Variants in EPHX4 observed in about 807,000 individuals in gnomAD.
EPHX4 encodes abhydrolase domain containing 7.
A neutral mutation model predicts 44.9 loss-of-function variants in EPHX4; 31 were observed. That is an observed-to-expected ratio of 0.69 (90% CI 0.52 to 0.93). The LOEUF (loss-of-function observed/expected upper bound fraction) is 0.93. EPHX4 is among the 40% of genes least tolerant of loss of function. The pLI is 0.00. For missense variants in EPHX4, 373 were observed against 438.1 expected (o/e 0.85, Z 1.33); for synonymous variants, 151 against 159.7 (o/e 0.95, Z 0.41).
intron 2 of EPHX4, among the ~76,000 whole-genome samples, chr1:92,034,295 G>A (rs1271600284): frequency 9.9e-6 from 1 of 100,664 alleles, no homozygotes; most frequent in African/African-American, 3.9e-5. Context: ...GCGAGATTCC[G>A]TCTCAAAAAA....
rs2101878213 is a variant in EPHX4 at position 92,063,358 on chromosome 1, CTTT to C, written c.*73_*75del. On this transcript the variant is annotated 3_prime_UTR_variant, in exon 7 of 7. Transcript: ENST00000370383. The stretch of plus-strand genomic sequence containing the variant: ...ATTTTTAAAAATTGTTCATCAACTT[CTTT>C]ATGTTTTATTAGAAAAAAACTGTTT... The C allele has an allele frequency of 1.7e-6, 2 of 1,163,468 alleles. No homozygotes were observed. The highest frequency in any genetic ancestry group is 2.9e-5 in the Admixed American group (1 of 34,760). The allele number at this position is 1,163,468 out of a possible 1,614,324, so 72.1% of individuals were successfully genotyped here.
At chr1:92,052,991 A>G (rs908733697) in intron 6 of EPHX4, among the ~76,000 whole-genome samples, 4 of 152,220 alleles carry the variant, frequency 2.6e-5, no homozygotes, top group Admixed American at 6.5e-5. Context: ...ATTAACCACT[A>G]TGTTCTGGGC....
chr1:92,055,634 A>G (rs1480483813), intron 6 of EPHX4, among the ~76,000 whole-genome samples: 2 of 152,336 alleles, frequency 1.3e-5, no homozygotes, highest in African/African-American at 4.8e-5. Flanking sequence ...GTCTGAAACA[A>G]CAATGTCTGA....
chr1:92,036,476 G>A (rs377418694), intron 2 of EPHX4, among the ~76,000 whole-genome samples: 3 of 152,122 alleles, frequency 2.0e-5, no homozygotes, highest in South Asian at 2.1e-4. Context: ...ATTCCCATTT[G>A]CCCCCGCAAA....
intron 5 of EPHX4, among the ~76,000 whole-genome samples, chr1:92,052,190 GA>G (rs1389122889): frequency 6.6e-6 from 1 of 152,136 alleles, no homozygotes; most frequent in Non-Finnish European, 1.5e-5. Context: ...TTCCTGCCCA[GA>G]AGGGGAATTA....
At chr1:92,043,072 T>TA in intron 3 of EPHX4, 92 bp downstream of exon 3, 2 of 1,001,246 alleles carry the variant, frequency 2.0e-6, no homozygotes, top group Non-Finnish European at 2.9e-6. Context: ...AGGATGCATA[T>TA]TCCATCTACC....
rs1288005296 is a variant in EPHX4 at position 92,056,971 on chromosome 1, T to G, written c.857+4313T>G. On this transcript the variant is annotated intron_variant, in intron 6 of 6. Coordinates refer to ENST00000370383, the MANE Select transcript of EPHX4 (RefSeq NM_173567.5). ...AATTTGACTTCTGAATAACTCTGGGTAAAAAATCTATGGAAATTAGTAAAA... is the reference window on the plus strand; with the variant it reads ...AATTTGACTTCTGAATAACTCTGGGGAAAAAATCTATGGAAATTAGTAAAA... Among the ~76,000 whole-genome samples, 3 of 151,956 alleles carry G rather than the reference T, an allele frequency of 2.0e-5. No individual in the cohort carries two copies. The East Asian group carries it at 5.8e-4, about 29-fold the overall frequency.
intron 2 of EPHX4, among the ~76,000 whole-genome samples, chr1:92,033,032 C>T (rs1013405932): frequency 4.6e-5 from 7 of 151,888 alleles, no homozygotes; most frequent in Non-Finnish European, 8.8e-5. Context: ...GTCTTCCCAC[C>T]TCAGCCTACC....
Position 92,030,487 on chromosome 1 carries a change from A to T in EPHX4, c.231+177A>T, listed in dbSNP as rs5010335. On this transcript the variant is annotated intron_variant, in intron 1 of 6. Transcript: ENST00000370383. ...GTGTGTGTGTGTGTGTGTGTGTGTG[A>T]GAGAGAGAGAGAGAGAGAGAGATAC... 0.73 allele frequency among the ~76,000 whole-genome samples: 75,342 copies of T among 103,118 alleles called. 24,505 individuals are homozygous for T. The highest frequency in any genetic ancestry group is 0.95 in the East Asian group (3,418 of 3,600). 67.6% of individuals were successfully genotyped at this position (103,118 alleles called of 152,430 possible).
In EPHX4 at chr1:92,030,490, G is replaced by GTGTGTGTGTGTGTGT. The variant is rs1383490491; in HGVS notation, c.231+180_231+181insTGTGTGTGTGTGTGT. On this transcript the variant is annotated intron_variant, in intron 1 of 6. Transcript: ENST00000370383. Reference sequence around the variant, plus strand: ...TGTGTGTGTGTGTGTGTGTGTGAGAGAGAGAGAGAGAGAGAGAGATACAGA... The same window carrying GTGTGTGTGTGTGTGT: ...TGTGTGTGTGTGTGTGTGTGTGAGAGTGTGTGTGTGTGTGTAGAGAGAGAGAGAGAGAGATACAGA... 2.8e-3 allele frequency among the ~76,000 whole-genome samples: 353 copies of GTGTGTGTGTGTGTGT among 127,742 alleles called. 11 individuals are homozygous for GTGTGTGTGTGTGTGT. Among genetic ancestry groups the GTGTGTGTGTGTGTGT allele is most frequent in the African/African-American group, 9.2e-3 (302 of 32,826 alleles). The allele number at this position is 127,742 out of a possible 152,430, so 83.8% of individuals were successfully genotyped here. A position where few individuals can be genotyped will look rare whatever the true frequency, so the allele number is the denominator to read the frequency against.
chr1:92,034,943 C>T (rs560237518), intron 2 of EPHX4, among the ~76,000 whole-genome samples: 2 of 152,118 alleles, frequency 1.3e-5, no homozygotes, highest in African/African-American at 2.4e-5. Flanking sequence ...TGCACCCGAC[C>T]CACTTTAGTT....
chr1:92,041,963 T>C (rs1366450486), intron 2 of EPHX4, among the ~76,000 whole-genome samples: 2 of 152,054 alleles, frequency 1.3e-5, no homozygotes, highest in Non-Finnish European at 2.9e-5. Flanking sequence ...GCAGGAGAAT[T>C]GCTTGAACCC....
intron 5 of EPHX4, 27 bp downstream of exon 5, chr1:92,050,447 T>C: frequency 8.5e-7 from 1 of 1,173,014 alleles, no homozygotes; most frequent in Non-Finnish European, 1.2e-6. Context: ...AAACAAATAA[T>C]GTATTATTAT....
chr1:92,037,210 C>CA (rs67867195), intron 2 of EPHX4, among the ~76,000 whole-genome samples: 7 of 149,128 alleles, frequency 4.7e-5, no homozygotes, highest in South Asian at 2.1e-4. Flanking sequence ...ACAGTGAAAA[C>CA]AAAAAAAAAT....
At chr1:92,032,298 G>A (rs999270393) in intron 1 of EPHX4, among the ~76,000 whole-genome samples, 10 of 152,070 alleles carry the variant, frequency 6.6e-5, no homozygotes, top group Admixed American at 2.0e-4. Context: ...AGGTCATGGG[G>A]TTTGCTTTTC....
At chr1:92,038,813 A>G (rs1490386328) in intron 2 of EPHX4, among the ~76,000 whole-genome samples, 2 of 152,142 alleles carry the variant, frequency 1.3e-5, no homozygotes, top group African/African-American at 4.8e-5. Context: ...CAATATCTCT[A>G]TTTGTTCACC....
chr1:92,036,031 AG>A (rs765480927), intron 2 of EPHX4, among the ~76,000 whole-genome samples: 8 of 152,260 alleles, frequency 5.3e-5, no homozygotes, highest in Non-Finnish European at 1.0e-4. Context: ...AACATTCAAG[AG>A]GGTGTTAACA....
intron 4 of EPHX4, among the ~76,000 whole-genome samples, chr1:92,046,579 T>C (rs1372426746): frequency 6.6e-6 from 1 of 152,014 alleles, no homozygotes; most frequent in African/African-American, 2.4e-5. Flanking sequence ...TTCTCCTGCC[T>C]CAGCCTCCCG....
chr1:92,036,786 G>C (rs1688444485), intron 2 of EPHX4, among the ~76,000 whole-genome samples: 1 of 152,060 alleles, frequency 6.6e-6, no homozygotes, highest in Non-Finnish European at 1.5e-5. Flanking sequence ...GGTTGTTTAG[G>C]GAGCATCTGA....
Sources: gnomAD v4.1 joint callset for allele counts (sites outside exome capture counted in the v4.1 genomes callset) on GRCh38, gnomAD v4.1.1 for gene constraint, MANE v1.5 for transcripts, NCBI Gene and HGNC (gene_info 2026-07-23, HGNC 2026-07-21) for gene names.